TBC1D26: variants seen among roughly 807,000 people sequenced by gnomAD.
TBC1D26 encodes TBC1 domain family, member 26.
TBC1D26 carries 19 observed loss-of-function variants against 42.5 expected under a neutral mutation model. The observed-to-expected ratio is 0.45, with a 90% confidence interval of 0.31 to 0.66. The LOEUF (loss-of-function observed/expected upper bound fraction) is 0.66, where lower values mean the gene tolerates loss of function less well. Among genes scored for constraint, TBC1D26 ranks in the 30% least tolerant of loss-of-function variants. TBC1D26 has a pLI of 0.06. For synonymous variants in TBC1D26, 97 were observed against 123.5 expected (o/e 0.79, Z 1.42); for missense variants, 228 against 332.6 (o/e 0.69, Z 2.45).
intron 1 of TBC1D26, among the ~76,000 whole-genome samples, chr17:15,732,733 A>G (rs1383886427): frequency 3.9e-5 from 6 of 152,130 alleles, no homozygotes; most frequent in Non-Finnish European, 7.4e-5. Flanking sequence ...CTGGCCCTGA[A>G]AGAGCCACTG....
chr17:15,741,049 G>T, intron 9 of TBC1D26, 73 bp from the exon 10 acceptor site: 2 of 1,588,940 alleles, frequency 1.3e-6, no homozygotes, highest in Non-Finnish European at 1.7e-6. Context: ...GCCACCTCTG[G>T]TGACATAAGT....
intron 10 of TBC1D26, 161 bp from the exon 11 acceptor site, chr17:15,741,781 G>A: frequency 1.5e-6 from 1 of 654,496 alleles, no homozygotes; most frequent in Non-Finnish European, 2.6e-6. Flanking sequence ...CCTCCAGCCA[G>A]GGACCTCCTC....
chr17:15,732,806 C>A (rs935597403), intron 1 of TBC1D26, among the ~76,000 whole-genome samples: 10 of 152,168 alleles, frequency 6.6e-5, no homozygotes, highest in African/African-American at 1.9e-4. Flanking sequence ...GTGCCCTAAG[C>A]TGGGTGTCTG....
chr17:15,738,651 A>G, intron 7 of TBC1D26, 70 bp from the exon 8 acceptor site: 4 of 1,603,510 alleles, frequency 2.5e-6, no homozygotes, highest in Non-Finnish European at 3.4e-6. Flanking sequence ...CTGTGGGATG[A>G]CTGCCGTTTG....
At position 15,735,411 on chromosome 17, in the gene TBC1D26, T is replaced by C. The variant is rs750191939; in HGVS notation, c.63T>C (p.Thr21=). 2 of 1,613,268 alleles carry C rather than the reference T, an allele frequency of 1.2e-6. No individual in the cohort carries two copies. Among genetic ancestry groups the C allele is most frequent in the South Asian group, 1.1e-5 (1 of 91,008 alleles). Residue 21 remains threonine, a synonymous_variant, in exon 3 of 15, where the codon ACT becomes ACC. Transcript: ENST00000437605. The part of the protein sequence containing the change: ...PAQGQGNIII[T]KYEQGHRAGA... The stretch of plus-strand genomic sequence containing the variant: ...AGGGGCAAGGCAATATCATCATTAC[T>C]AAGTATGAGCAGGTACAAGTTGGGC...
At chr17:15,743,329 A>C (rs1309552707) in intron 13 of TBC1D26, 38 bp from the exon 14 acceptor site, 25 of 982,052 alleles carry the variant, frequency 2.5e-5, no homozygotes, top group Non-Finnish European at 2.9e-5. Context: ...GTCCCCTCCC[A>C]GGGAACCCTC....
At position 15,743,307 on chromosome 17, in the gene TBC1D26, G is replaced by A. The variant is rs189625586; in HGVS notation, c.908-60G>A. 3.9e-4 allele frequency: 353 copies of A among 910,892 alleles called. 2 individuals are homozygous for A. In the African/African-American group the frequency reaches 5.8e-3, roughly 15 times the overall value. 56.4% of individuals were successfully genotyped at this position (910,892 alleles called of 1,614,324 possible). A position where few individuals can be genotyped will look rare whatever the true frequency, so the allele number is the denominator to read the frequency against. The stretch of plus-strand genomic sequence containing the variant: ...TGGGAGGTGGGCCTGGTAGAAATGG[G>A]GTGCAGGCACTGTCCCCTCCCAGGG... On this transcript the variant is annotated intron_variant, in intron 13 of 14. Coordinates refer to ENST00000437605, the MANE Select transcript of TBC1D26 (RefSeq NM_001388465.1).
chr17:15,744,581 T>G lies in TBC1D26; in HGVS notation c.1396T>G (p.Ser466Ala), dbSNP rs1057430. The G allele has an allele frequency of 0.21, 31,403 of 152,150 alleles. 3,356 individuals are homozygous for G. The highest frequency in any genetic ancestry group is 0.32 in the East Asian group (1,638 of 5,162). 9.4% of individuals were successfully genotyped at this position (152,150 alleles called of 1,614,324 possible). The change falls in exon 15 of 15, where the codon TCT (serine) becomes GCT (alanine). Residue 466 changes from serine to alanine, a missense_variant. Ser to Ala is a moderately conservative substitution (Grantham distance 99). This residue lies in a region of TBC1D26 where 130 missense variants were observed against 168.5 expected (regional missense o/e 0.77). Transcript: ENST00000437605. ...AGVPWLLLTP[S>A]GS Reference sequence around the variant, plus strand: ...TGTGCCCTGGCTGCTCTTGACACCCTCTGGCTCCTGACACCCTCTCTTCGG... The same window carrying G: ...TGTGCCCTGGCTGCTCTTGACACCCGCTGGCTCCTGACACCCTCTCTTCGG...
In TBC1D26 at chr17:15,741,942, T is replaced by G. The variant is rs756067120; in HGVS notation, c.647T>G (p.Val216Gly). 6.2e-7 allele frequency: 1 copy of G among 1,613,948 alleles called. No individual in the cohort carries two copies. Among genetic ancestry groups the G allele is most frequent in the South Asian group, 1.1e-5 (1 of 91,066 alleles). The change falls in exon 11 of 15, where the codon GTA becomes GGA. Residue 216 changes from valine (V) to glycine (G), a missense_variant and splice_region_variant. Physicochemically the swap from Val to Gly is moderately radical, Grantham distance 109 (BLOSUM62 -3). This residue lies in a region of TBC1D26 where 130 missense variants were observed against 168.5 expected (regional missense o/e 0.77). Coordinates refer to ENST00000437605, the MANE Select transcript of TBC1D26 (RefSeq NM_001388465.1). ...AFWALTQLLA[V>G]FYSPNTAWLE... ...GGGTGATGGGTCGCGGGCTTCTCAG[T>G]ATTCTACAGCCCAAATACTGCCTGG...
At chr17:15,741,768 G>A (rs1458396662) in intron 10 of TBC1D26, 174 bp from the exon 11 acceptor site, 1 of 620,008 alleles carries the variant, frequency 1.6e-6, no homozygotes, top group Non-Finnish European at 2.8e-6. Flanking sequence ...CCGCTAGGCA[G>A]TGCCTCCAGC....
In TBC1D26 at chr17:15,734,945, C is replaced by G; in HGVS notation, c.-127C>G. ...CTTCCTACAGAAAACTGATTATATTCCTGGTCCCTGAACGATCCTATAGAG... is the reference window on the plus strand; with the variant it reads ...CTTCCTACAGAAAACTGATTATATTGCTGGTCCCTGAACGATCCTATAGAG... On this transcript the variant is annotated 5_prime_UTR_variant, in exon 2 of 15. Coordinates refer to ENST00000437605, the MANE Select transcript of TBC1D26 (RefSeq NM_001388465.1). 1 of 228,866 alleles carries G rather than the reference C, an allele frequency of 4.4e-6. No homozygotes were observed. The highest frequency in any genetic ancestry group is 8.6e-6 in the Non-Finnish European group (1 of 116,344). The allele number at this position is 228,866 out of a possible 1,614,324, so 14.2% of individuals were successfully genotyped here.
At position 15,743,374 on chromosome 17, in the gene TBC1D26, C is replaced by G. The variant is rs377168133; in HGVS notation, c.915C>G (p.Leu305=). Residue 305 remains leucine (L), a synonymous_variant, in exon 14 of 15, where the codon CTC becomes CTG. Transcript: ENST00000437605. ...TGCCCGCCCTCTCCCTAGAGCACCT[C>G]ATGAAGCTTTCCTGGAGCACTGTCT... ...HASFKIHRKH[L]MKLSWSTVWE... 1.0e-6 allele frequency: 1 copy of G among 986,354 alleles called. No homozygotes were observed. The highest frequency in any genetic ancestry group is 6.1e-5 in the Admixed American group (1 of 16,272). The allele number at this position is 986,354 out of a possible 1,614,324, so 61.1% of individuals were successfully genotyped here.
At chr17:15,739,806 G>C (rs373249290) in intron 8 of TBC1D26, among the ~76,000 whole-genome samples, 1 of 152,260 alleles carries the variant, frequency 6.6e-6, no homozygotes, top group Non-Finnish European at 1.5e-5. Context: ...GGAACTGCAC[G>C]TCCCAAAGAC....
At chr17:15,740,491 T>A in intron 9 of TBC1D26, 1 of 1,263,380 alleles carries the variant, frequency 7.9e-7, no homozygotes, top group Non-Finnish European at 1.0e-6. Context: ...ATGAAATGAG[T>A]TTGCATCCTG....
intron 11 of TBC1D26, 34 bp downstream of exon 11, chr17:15,742,070 C>A: frequency 6.3e-7 from 1 of 1,591,924 alleles, no homozygotes; most frequent in South Asian, 1.1e-5. Context: ...CCTAACCAGA[C>A]GCCCTGGCCC....
At chr17:15,740,781 G>T in intron 9 of TBC1D26, 2 of 946,068 alleles carry the variant, frequency 2.1e-6, no homozygotes, top group Non-Finnish European at 2.7e-6. Flanking sequence ...CTCGTGGCAG[G>T]TGCAGTTCAC....
chr17:15,733,877 G>C (rs1370924384), intron 1 of TBC1D26: 1 of 152,232 alleles, frequency 6.6e-6, no homozygotes, highest in African/African-American at 2.4e-5. Flanking sequence ...ACAGGTGTCT[G>C]GTTCTGTGGT....
rs757072020 is a variant in TBC1D26, at chr17:15,738,798, A to T, written c.465A>T (p.Lys155Asn). ...IQLDVSHTLQ[K>N]HMMFIQRFGV... Reference sequence around the variant, plus strand: ...TAGATGTCAGCCACACCCTGCAGAAACACATGATGTTCATACAAAGATTCG... The same window carrying T: ...TAGATGTCAGCCACACCCTGCAGAATCACATGATGTTCATACAAAGATTCG... The change falls in exon 8 of 15, where the codon AAA (lysine) becomes AAT (asparagine). Residue 155 changes from lysine (K) to asparagine (N), a missense_variant. Transcript: ENST00000437605. 4.3e-5 allele frequency: 69 copies of T among 1,613,694 alleles called. No individual in the cohort carries two copies. Among genetic ancestry groups the T allele is most frequent in the Non-Finnish European group, 5.1e-5 (60 of 1,179,852 alleles).
intron 2 of TBC1D26, 80 bp downstream of exon 2, chr17:15,735,150 G>GCCCA: frequency 1.6e-6 from 1 of 638,032 alleles, no homozygotes; most frequent in Non-Finnish European, 2.7e-6. Context: ...TCAGGAAGGA[G>GCCCA]CCCACCACTG....
Sources: allele counts gnomAD v4.1 joint callset (sites outside exome capture counted in the v4.1 genomes callset), GRCh38; gene constraint gnomAD v4.1.1; regional missense constraint gnomAD v4.1.1; transcripts MANE v1.5; gene names NCBI Gene and HGNC (gene_info 2026-07-23, HGNC 2026-07-21).